Variants in DNAH7 observed in about 807,000 individuals in gnomAD.
The protein encoded by DNAH7 is dynein axonemal heavy chain 7, also known as axonemal beta dynein heavy chain 7.
Under a neutral mutation model 444.6 loss-of-function variants are expected in DNAH7, and 397 were observed. The observed-to-expected ratio is 0.89, with a 90% CI of 0.82 to 0.97. The LOEUF is 0.97. DNAH7 is among the 50% of genes least tolerant of loss of function. The pLI is 0.00. For synonymous variants in DNAH7, 1,636 were observed against 1,624.4 expected (o/e 1.01, Z -0.17); for missense variants, 4,902 against 4,800.8 (o/e 1.02, Z -0.62).
intron 8 of DNAH7, among the ~76,000 whole-genome samples, chr2:196,021,097 T>A (rs895145088): frequency 6.6e-6 from 1 of 152,158 alleles, no homozygotes; most frequent in Non-Finnish European, 1.5e-5. Flanking sequence ...TTGAAATACA[T>A]TCTATAAATA....
chr2:196,022,569 A>G (rs570514956), intron 8 of DNAH7, among the ~76,000 whole-genome samples: 1 of 152,336 alleles, frequency 6.6e-6, no homozygotes. Context: ...TTCAAGTTTT[A>G]TCATGAGATG....
intron 9 of DNAH7, among the ~76,000 whole-genome samples, chr2:196,017,469 T>C (rs1695103275): frequency 1.3e-5 from 2 of 151,870 alleles, no homozygotes; most frequent in Non-Finnish European, 2.9e-5. Flanking sequence ...AGTGAATGTT[T>C]AAAAAATAGC....
At chr2:195,870,698 T>C (rs754359804) in intron 40 of DNAH7, among the ~76,000 whole-genome samples, 10 of 152,284 alleles carry the variant, frequency 6.6e-5, no homozygotes, top group Admixed American at 1.3e-4. Flanking sequence ...AGAGAGCCCA[T>C]TGCCCCTTCC....
At chr2:195,800,588 A>G (rs1237022190) in intron 54 of DNAH7, among the ~76,000 whole-genome samples, 1 of 152,188 alleles carries the variant, frequency 6.6e-6, no homozygotes, top group African/African-American at 2.4e-5. Context: ...ATCTTTTTCT[A>G]CTTCACTTTT....
At chr2:195,782,040 A>C (rs1183043738) in intron 58 of DNAH7, among the ~76,000 whole-genome samples, 1 of 151,106 alleles carries the variant, frequency 6.6e-6, no homozygotes, top group Non-Finnish European at 1.5e-5. Context: ...CCAAAACAAG[A>C]ATGACAACGC....
intron 36 of DNAH7, among the ~76,000 whole-genome samples, chr2:195,878,913 G>A (rs1263076774): frequency 1.3e-5 from 2 of 152,060 alleles, no homozygotes; most frequent in African/African-American, 4.8e-5. Flanking sequence ...AGGGGAAGGA[G>A]GTCAATGGAT....
In DNAH7 at chr2:195,864,979, T is replaced by C. The variant is rs970182809; in HGVS notation, c.6676A>G (p.Arg2226Gly). Residue 2226 changes from arginine (R) to glycine (G), a missense_variant, in exon 41 of 65, where the codon AGA becomes GGA. By Grantham distance (125) the Arg-to-Gly change is moderately radical (BLOSUM62 -2). Transcript: ENST00000312428. ...YYDRLLDNTD[R>G]SWLINYIQEI... The stretch of plus-strand genomic sequence containing the variant: ...TGAATGTAGTTGATGAGCCAGCTTC[T>C]GTCTGTATTGTCCAGAAGGCGGTCA... 1.2e-6 allele frequency: 2 copies of C among 1,604,962 alleles called. No homozygotes were observed. The highest frequency in any genetic ancestry group is 1.7e-6 in the Non-Finnish European group (2 of 1,179,926).
In DNAH7 at chr2:195,936,791, TC is replaced by T; in HGVS notation, c.3079del (p.Asp1027IlefsTer5). The T allele has an allele frequency of 6.7e-7, 1 of 1,492,698 alleles. No individual in the cohort carries two copies. The highest frequency in any genetic ancestry group is 8.9e-7 in the Non-Finnish European group (1 of 1,124,668). 92.5% of individuals were successfully genotyped at this position (1,492,698 alleles called of 1,614,324 possible). On this transcript the variant is annotated frameshift_variant and splice_region_variant, in exon 20 of 65. Coordinates refer to ENST00000312428, the MANE Select transcript of DNAH7 (RefSeq NM_018897.3). LOFTEE classifies it high-confidence loss of function. ...WRDIMRSVMQDKHVLTVVTID... is the reference protein window; with the variant it reads ...WRDIMRSVMQXKHVLTVVTID... ...GGTTACAACTGTCAGAACATGTTTA[TC>T]CTAAAAATAAAAATAAAAAACACTC...
Position 195,738,701 on chromosome 2 carries a change from TAAAAA to T in DNAH7, c.11869-579_11869-575del, listed in dbSNP as rs570989984. Among the ~76,000 whole-genome samples the T allele has an allele frequency of 2.7e-3, 416 of 152,320 alleles. 1 individual carries two copies. The highest frequency in any genetic ancestry group is 9.7e-3 in the African/African-American group (405 of 41,572). ...ATTTGTTATTAGACCTCATCAATCTTAAAAATAAGATTTTGAGGCAGTTTGATCTT... is the reference window on the plus strand; with the variant it reads ...ATTTGTTATTAGACCTCATCAATCTTTAAGATTTTGAGGCAGTTTGATCTT... On this transcript the variant is annotated intron_variant, in intron 64 of 64. Coordinates refer to ENST00000312428, the MANE Select transcript of DNAH7 (RefSeq NM_018897.3).
chr2:195,967,192 GAAGAC>G (rs1691538906), intron 17 of DNAH7, among the ~76,000 whole-genome samples: 1 of 152,098 alleles, frequency 6.6e-6, no homozygotes, highest in Non-Finnish European at 1.5e-5. Flanking sequence ...ATTTTAAACT[GAAGAC>G]AATACTGATT....
chr2:196,043,059 C>CA (rs1559363282), intron 5 of DNAH7, among the ~76,000 whole-genome samples: 1 of 151,918 alleles, frequency 6.6e-6, no homozygotes, highest in Non-Finnish European at 1.5e-5. Flanking sequence ...AACCAGTGGG[C>CA]AAGAGGATTA....
At chr2:195,943,483 C>T (rs940354643) in intron 19 of DNAH7, among the ~76,000 whole-genome samples, 2 of 152,090 alleles carry the variant, frequency 1.3e-5, no homozygotes, top group African/African-American at 4.8e-5. Flanking sequence ...AAATTCATTT[C>T]GTGCAGACAC....
intron 5 of DNAH7, among the ~76,000 whole-genome samples, chr2:196,031,079 T>C (rs1453907674): frequency 6.6e-6 from 1 of 152,244 alleles, no homozygotes; most frequent in African/African-American, 2.4e-5. Flanking sequence ...AGGAAACTTT[T>C]GCCTGGGCAT....
At chr2:195,856,998 C>T (rs1699751390) in intron 44 of DNAH7, among the ~76,000 whole-genome samples, 1 of 151,944 alleles carries the variant, frequency 6.6e-6, no homozygotes, top group Non-Finnish European at 1.5e-5. Context: ...AAAAGAAAAA[C>T]ATGTAAATTT....
intron 47 of DNAH7, among the ~76,000 whole-genome samples, chr2:195,840,065 C>G (rs1489538085): frequency 6.6e-6 from 1 of 151,648 alleles, no homozygotes; most frequent in African/African-American, 2.4e-5. Flanking sequence ...CAAAATAAAA[C>G]ACAGATCAAT....
intron 5 of DNAH7, among the ~76,000 whole-genome samples, chr2:196,041,104 T>G (rs6434815): frequency 0.056 from 8,509 of 152,156 alleles, 379 homozygotes; most frequent in African/African-American, 0.13. Flanking sequence ...GAAAAATTAT[T>G]ATTGTTAAAA....
chr2:195,898,866 T>C (rs560631635), intron 28 of DNAH7, among the ~76,000 whole-genome samples: 1 of 152,378 alleles, frequency 6.6e-6, no homozygotes, highest in East Asian at 1.9e-4. Flanking sequence ...ATACCTATAA[T>C]AATGTTCACA....
In DNAH7 at chr2:196,001,818, T is replaced by A; in HGVS notation, c.1030A>T (p.Lys344Ter). The A allele has an allele frequency of 1.9e-6, 3 of 1,612,104 alleles. No individual in the cohort carries two copies. Among genetic ancestry groups the A allele is most frequent in the Non-Finnish European group, 2.5e-6 (3 of 1,179,324 alleles). ...EVQNIYYQGNKKKQLPTGDSS... is the reference protein window; with the variant it reads ...EVQNIYYQGN ...TCACCAGTTGGCAATTGCTTTTTTT[T>A]ATTACCTTGGTAATAAATATTCTGC... The change falls in exon 11 of 65, where the codon AAA becomes TAA. Residue 344 changes from lysine (K) to a stop codon, truncating the protein, a stop_gained. Coordinates refer to ENST00000312428, the MANE Select transcript of DNAH7 (RefSeq NM_018897.3). LOFTEE classifies it high-confidence loss of function.
At chr2:196,051,271 GAA>G in intron 2 of DNAH7, 22 bp from the exon 3 acceptor site, 1 of 1,601,816 alleles carries the variant, frequency 6.2e-7, no homozygotes, top group Non-Finnish European at 8.5e-7. Context: ...ATATGAAGGG[GAA>G]AAAAGTGTTT....
Sources: allele counts gnomAD v4.1 joint callset (sites outside exome capture counted in the v4.1 genomes callset), GRCh38; gene constraint gnomAD v4.1.1; transcripts MANE v1.5; gene names NCBI Gene and HGNC (gene_info 2026-07-23, HGNC 2026-07-21).